The following BMP5 variants were observed in gnomAD, a reference collection of about 807,000 sequenced individuals.
BMP5 encodes the protein bone morphogenetic protein 5.
A neutral mutation model predicts 46.6 loss-of-function variants in BMP5; 23 were observed. The observed-to-expected ratio is 0.49, with a 90% CI of 0.35 to 0.70. The LOEUF (loss-of-function observed/expected upper bound fraction) is 0.70, where lower values mean the gene tolerates loss of function less well. Among genes scored for constraint, BMP5 ranks in the 30% least tolerant of loss-of-function variants. The pLI is 0.00. For synonymous variants in BMP5, 204 were observed against 191.9 expected (o/e 1.06, Z -0.52); for missense variants, 545 against 565.6 (o/e 0.96, Z 0.37).
At chr6:55,789,465 T>C (rs1187467716) in intron 3 of BMP5, among the ~76,000 whole-genome samples, 1 of 151,958 alleles carries the variant, frequency 6.6e-6, no homozygotes, top group Non-Finnish European at 1.5e-5. Flanking sequence ...GTCTTTAAAG[T>C]TAGATTAAAT....
intron 2 of BMP5, among the ~76,000 whole-genome samples, chr6:55,797,027 C>G (rs1296342112): frequency 6.6e-6 from 1 of 152,122 alleles, no homozygotes. Context: ...TTTAATTTCT[C>G]CTTTCTCCTT....
chr6:55,766,544 C>A (rs1345595857), intron 4 of BMP5, among the ~76,000 whole-genome samples: 1 of 152,062 alleles, frequency 6.6e-6, no homozygotes, highest in African/African-American at 2.4e-5. Context: ...AATCTATGAT[C>A]TTCATTGCTT....
intron 6 of BMP5, among the ~76,000 whole-genome samples, chr6:55,757,872 C>T (rs954117500): frequency 5.3e-5 from 8 of 151,790 alleles, no homozygotes; most frequent in African/African-American, 1.9e-4. Context: ...GATATTCTGT[C>T]GTATTTTATT....
intron 1 of BMP5, among the ~76,000 whole-genome samples, chr6:55,821,739 T>C (rs1457046815): frequency 2.0e-5 from 3 of 152,160 alleles, no homozygotes; most frequent in Non-Finnish European, 4.4e-5. Flanking sequence ...GCCATGATAG[T>C]GCAGACTGCA....
intron 2 of BMP5, among the ~76,000 whole-genome samples, chr6:55,814,897 A>T (rs1562051465): frequency 6.6e-6 from 1 of 152,212 alleles, no homozygotes; most frequent in Non-Finnish European, 1.5e-5. Flanking sequence ...TGGGAGGCTG[A>T]GGCGGGTGGA....
intron 4 of BMP5, among the ~76,000 whole-genome samples, chr6:55,771,703 A>G (rs1259050700): frequency 6.6e-6 from 1 of 151,808 alleles, no homozygotes; most frequent in Non-Finnish European, 1.5e-5. Flanking sequence ...ATTCTTCTGT[A>G]CTAATGGAGA....
intron 1 of BMP5, among the ~76,000 whole-genome samples, chr6:55,855,428 G>A (rs1777368699): frequency 1.3e-5 from 2 of 151,930 alleles, no homozygotes; most frequent in African/African-American, 4.8e-5. Context: ...TTAGATATTA[G>A]CATAGAGTTA....
chr6:55,794,479 T>A, intron 2 of BMP5, 52 bp from the exon 3 acceptor site: 1 of 1,556,806 alleles, frequency 6.4e-7, no homozygotes, highest in Non-Finnish European at 8.8e-7. Context: ...TGAACATCAT[T>A]ATTTCCTAGA....
chr6:55,787,664 G>A (rs527677369), intron 3 of BMP5, among the ~76,000 whole-genome samples: 1 of 151,630 alleles, frequency 6.6e-6, no homozygotes, highest in Non-Finnish European at 1.5e-5. Flanking sequence ...TACTGGGAAT[G>A]AACAACAACA....
chr6:55,822,325 G>C (rs1206491741), intron 1 of BMP5, among the ~76,000 whole-genome samples: 1 of 152,122 alleles, frequency 6.6e-6, no homozygotes, highest in Admixed American at 6.6e-5. Flanking sequence ...AGAAGAACCA[G>C]AAGTTAACTG....
intron 1 of BMP5, among the ~76,000 whole-genome samples, chr6:55,868,889 T>C (rs1459758311): frequency 6.6e-6 from 1 of 152,198 alleles, no homozygotes; most frequent in Non-Finnish European, 1.5e-5. Flanking sequence ...AAGGATATCT[T>C]AGCCAAGGGT....
intron 1 of BMP5, among the ~76,000 whole-genome samples, chr6:55,868,021 T>C (rs1777692113): frequency 6.6e-6 from 1 of 152,168 alleles, no homozygotes; most frequent in Non-Finnish European, 1.5e-5. Context: ...GAACTGAAGA[T>C]TCTGGAGATG....
intron 1 of BMP5, among the ~76,000 whole-genome samples, chr6:55,848,697 A>C (rs1777154127): frequency 6.6e-6 from 1 of 151,890 alleles, no homozygotes; most frequent in African/African-American, 2.4e-5. Context: ...CTGGTTTTCA[A>C]CTTCAGTCTC....
At chr6:55,841,599 G>GGTGT (rs1562065289) in intron 1 of BMP5, among the ~76,000 whole-genome samples, 2 of 123,092 alleles carry the variant, frequency 1.6e-5, no homozygotes, top group African/African-American at 3.2e-5. Context: ...GTCTGGTGGT[G>GGTGT]GTGTTTGTTT....
chr6:55,789,650 T>G (rs1775530036), intron 3 of BMP5, among the ~76,000 whole-genome samples: 1 of 152,078 alleles, frequency 6.6e-6, no homozygotes, highest in Non-Finnish European at 1.5e-5. Flanking sequence ...CATTTGCTAT[T>G]AAAAACAAAA....
At chr6:55,795,934 A>C (rs1775701372) in intron 2 of BMP5, among the ~76,000 whole-genome samples, 1 of 152,130 alleles carries the variant, frequency 6.6e-6, no homozygotes, top group Non-Finnish European at 1.5e-5. Flanking sequence ...AATTTGTAGA[A>C]CCCTTTATAG....
intron 1 of BMP5, among the ~76,000 whole-genome samples, chr6:55,824,923 A>C (rs1316026889): frequency 6.6e-6 from 1 of 151,898 alleles, no homozygotes; most frequent in Non-Finnish European, 1.5e-5. Context: ...TTCCAGGTGT[A>C]AGCCATTTAA....
intron 3 of BMP5, among the ~76,000 whole-genome samples, 189 bp from the exon 4 acceptor site, chr6:55,774,432 C>A (rs1481116181): frequency 1.3e-5 from 2 of 151,888 alleles, no homozygotes; most frequent in African/African-American, 4.8e-5. Flanking sequence ...TATGGTGTTA[C>A]ATCTTGCATC....
chr6:55,820,747 T>TG (rs1052915438), intron 1 of BMP5, among the ~76,000 whole-genome samples: 2 of 149,874 alleles, frequency 1.3e-5, no homozygotes, highest in African/African-American at 4.9e-5. Flanking sequence ...TTTGTTTGTT[T>TG]GTTTGCTTTT....
Sources: gnomAD v4.1 joint callset for allele counts (sites outside exome capture counted in the v4.1 genomes callset) on GRCh38, gnomAD v4.1.1 for gene constraint, MANE v1.5 for transcripts, NCBI Gene and HGNC (gene_info 2026-07-23, HGNC 2026-07-21) for gene names.